GID4: variants seen among roughly 807,000 people sequenced by gnomAD.
GID4 encodes the protein glucose-induced degradation protein 4 homolog.
In GID4, 7 loss-of-function variants were observed where a neutral mutation model predicts 32.4. The ratio of observed to expected loss-of-function variants is 0.22; its 90% CI spans 0.12 to 0.41. The LOEUF (loss-of-function observed/expected upper bound fraction) is 0.41. GID4 is among the 10% of genes least tolerant of loss of function. The probability of loss-of-function intolerance (pLI) is 1.00; values close to 1 mark genes in which losing one functional copy is unlikely to be tolerated. For synonymous variants in GID4, 166 were observed against 170.0 expected, an observed-to-expected ratio of 0.98 and a Z score of 0.18; for missense variants, 309 against 400.0, an observed-to-expected ratio of 0.77 and a Z score of 1.94.
chr17:18,056,768 G>A, intron 3 of GID4: 2 of 1,550,646 alleles, frequency 1.3e-6, no homozygotes, highest in Non-Finnish European at 8.7e-7. Context: ...GGGTGAGAGA[G>A]GAACTAAGAA....
Position 18,067,200 on chromosome 17 carries a change from GCT to G in GID4, c.*1961_*1962del, listed in dbSNP as rs952029057. On this transcript the variant is annotated 3_prime_UTR_variant, in exon 6 of 6. Transcript: ENST00000268719. ...CGTACGTGCCATTCCACTCTCTTCA[GCT>G]CTCCCCTCAACAGCATGCGAGCCCA... 2 of 152,260 alleles carry G rather than the reference GCT, an allele frequency of 1.3e-5. No homozygotes were observed. Among genetic ancestry groups the G allele is most frequent in the African/African-American group, 4.8e-5 (2 of 41,418 alleles). 9.4% of individuals were successfully genotyped at this position (152,260 alleles called of 1,614,324 possible).
rs2045057686 is a variant in GID4, at chr17:18,065,872, T to G, written c.*629T>G. 6.6e-6 allele frequency: 1 copy of G among 152,546 alleles called. No individual in the cohort carries two copies. The highest frequency in any genetic ancestry group is 2.4e-5 in the African/African-American group (1 of 41,472). The allele number at this position is 152,546 out of a possible 1,614,324, so 9.4% of individuals were successfully genotyped here. ...TGTACTGTTAACAGTGCAAAGCTAGTGAGTAGCTGTCAGGTTCCCTGGGCC... is the reference window on the plus strand; with the variant it reads ...TGTACTGTTAACAGTGCAAAGCTAGGGAGTAGCTGTCAGGTTCCCTGGGCC... On this transcript the variant is annotated 3_prime_UTR_variant, in exon 6 of 6. Coordinates refer to ENST00000268719, the MANE Select transcript of GID4 (RefSeq NM_024052.5).
At position 18,065,229 on chromosome 17, in the gene GID4, T is replaced by C; in HGVS notation, c.889T>C (p.Tyr297His). Reference protein sequence around the residue: ...THVPEHSAPIYEFR With the variant: ...THVPEHSAPIHEFR ...TGTTCCTGAACACAGTGCACCCATCTATGAATTCCGGTGACAACGGTTCAG... is the reference window on the plus strand; with the variant it reads ...TGTTCCTGAACACAGTGCACCCATCCATGAATTCCGGTGACAACGGTTCAG... The change falls in exon 6 of 6, where the codon TAT (tyrosine) becomes CAT (histidine). Residue 297 changes from tyrosine (Y) to histidine (H), a missense_variant. Coordinates refer to ENST00000268719, the MANE Select transcript of GID4 (RefSeq NM_024052.5). 4 of 1,613,728 alleles carry C rather than the reference T, an allele frequency of 2.5e-6. No individual in the cohort carries two copies. Among genetic ancestry groups the C allele is most frequent in the Non-Finnish European group, 3.4e-6 (4 of 1,179,602 alleles).
intron 4 of GID4, among the ~76,000 whole-genome samples, chr17:18,059,568 G>A (rs940748688): frequency 6.6e-6 from 1 of 152,124 alleles, no homozygotes; most frequent in African/African-American, 2.4e-5. Flanking sequence ...GCTTTTAGCT[G>A]CGAGGTCATT....
chr17:18,050,262 G>A (rs912761922), intron 2 of GID4, among the ~76,000 whole-genome samples: 2 of 152,188 alleles, frequency 1.3e-5, no homozygotes, highest in Non-Finnish European at 2.9e-5. Flanking sequence ...TTGCTGGGTC[G>A]AATGATAGTT....
chr17:18,062,029 C>G, intron 5 of GID4, 54 bp downstream of exon 5: 4 of 1,585,516 alleles, frequency 2.5e-6, no homozygotes, highest in Non-Finnish European at 3.4e-6. Context: ...CCAGCTGGCT[C>G]TCCCTTGGCT....
chr17:18,058,919 T>C lies in GID4; in HGVS notation c.658T>C (p.Phe220Leu). 6.2e-7 allele frequency: 1 copy of C among 1,613,584 alleles called. No individual in the cohort carries two copies. Among genetic ancestry groups the C allele is most frequent in the Non-Finnish European group, 8.5e-7 (1 of 1,179,570 alleles). The change falls in exon 4 of 6, where the codon TTT (phenylalanine) becomes CTT (leucine). Residue 220 changes from phenylalanine (F) to leucine (L), a missense_variant. Coordinates refer to ENST00000268719, the MANE Select transcript of GID4 (RefSeq NM_024052.5). ...QYAKSFNSDD[F>L]DYEELKNGDY... ...TGCAAAATCATTTAACTCAGATGACTTTGATTATGAAGAGCTGAAGAATGG... is the reference window on the plus strand; with the variant it reads ...TGCAAAATCATTTAACTCAGATGACCTTGATTATGAAGAGCTGAAGAATGG...
At chr17:18,054,375 A>G in intron 3 of GID4, 141 bp downstream of exon 3, 1 of 536,644 alleles carries the variant, frequency 1.9e-6, no homozygotes, top group African/African-American at 1.9e-5. Flanking sequence ...CACAGACCTC[A>G]GTTGTTCCAT....
At chr17:18,054,346 A>C in intron 3 of GID4, 112 bp downstream of exon 3, 1 of 639,782 alleles carries the variant, frequency 1.6e-6, no homozygotes, top group Non-Finnish European at 2.7e-6. Flanking sequence ...TTTGCAACCA[A>C]GTAAAAGGTT....
chr17:18,059,819 A>G (rs1181221220), intron 4 of GID4, among the ~76,000 whole-genome samples: 1 of 151,892 alleles, frequency 6.6e-6, no homozygotes, highest in Non-Finnish European at 1.5e-5. Context: ...GGCGTGGTGG[A>G]TCACACCTGT....
chr17:18,054,144 A>T lies in GID4; in HGVS notation c.516A>T (p.Thr172=). 2 of 1,606,726 alleles carry T rather than the reference A, an allele frequency of 1.2e-6. No individual in the cohort carries two copies. Among genetic ancestry groups the T allele is most frequent in the Non-Finnish European group, 1.7e-6 (2 of 1,173,366 alleles). The change falls in exon 3 of 6, where the codon ACA becomes ACT. Residue 172 remains threonine (T), a synonymous_variant. Coordinates refer to ENST00000268719, the MANE Select transcript of GID4 (RefSeq NM_024052.5). The part of the protein sequence containing the change: ...KGLTEEYPTL[T]TFFEGEIISK... ...TACCATAGGAGTATCCAACCCTTAC[A>T]ACCTTCTTCGAAGGAGAAATAATCA...
intron 3 of GID4, among the ~76,000 whole-genome samples, chr17:18,056,379 G>A (rs1597696765): frequency 6.6e-6 from 1 of 152,352 alleles, no homozygotes; most frequent in East Asian, 1.9e-4. Flanking sequence ...CCCAAGTGGT[G>A]TATGAAGGTG....
chr17:18,039,958 T>C lies in GID4; in HGVS notation c.438+56T>C. On this transcript the variant is annotated intron_variant, in intron 1 of 5. Transcript: ENST00000268719. This position sits in a 1 kb window ranked among gnomAD's most constrained non-coding sequence, Gnocchi z 5.3. ...GCCTCCTCGCGGCGCTCACGGGCCG[T>C]GCCCGCTTCGGCTCCTCGACCCCGC... is the stretch of plus-strand genomic sequence containing the variant. The C allele has an allele frequency of 5.4e-6, 7 of 1,297,134 alleles. No homozygotes were observed. The highest frequency in any genetic ancestry group is 6.9e-6 in the Non-Finnish European group (7 of 1,018,274). 80.4% of individuals were successfully genotyped at this position (1,297,134 alleles called of 1,614,324 possible).
rs543206076 is a variant in GID4 at position 18,064,337 on chromosome 17, C to T, written c.840-843C>T. ...TCCTCCCTGGCACTTGTTATCATGTCTCTATAATTATAGCTACCCTAGTGG... is the reference window on the plus strand; with the variant it reads ...TCCTCCCTGGCACTTGTTATCATGTTTCTATAATTATAGCTACCCTAGTGG... On this transcript the variant is annotated intron_variant, in intron 5 of 5. Coordinates refer to ENST00000268719, the MANE Select transcript of GID4 (RefSeq NM_024052.5). Among the ~76,000 whole-genome samples the T allele has an allele frequency of 2.8e-4, 42 of 152,338 alleles. No homozygotes were observed. The South Asian group carries it at 8.1e-3, about 29-fold the overall frequency.
At chr17:18,053,053 T>C (rs1170526929) in intron 2 of GID4, among the ~76,000 whole-genome samples, 1 of 143,856 alleles carries the variant, frequency 7.0e-6, no homozygotes, top group Non-Finnish European at 1.5e-5. Flanking sequence ...TTCACTCTTA[T>C]TGCCCAGGCT....
At chr17:18,055,899 C>T (rs537906217) in intron 3 of GID4, among the ~76,000 whole-genome samples, 11 of 152,258 alleles carry the variant, frequency 7.2e-5, no homozygotes, top group African/African-American at 2.4e-4. Flanking sequence ...AGTGCAGTGG[C>T]GTAATCTCGG....
chr17:18,058,241 A>G (rs1050332142), intron 3 of GID4, among the ~76,000 whole-genome samples: 1 of 152,240 alleles, frequency 6.6e-6, no homozygotes, highest in Non-Finnish European at 1.5e-5. Flanking sequence ...TAGAGATGCT[A>G]TAAAGTATAG....
chr17:18,041,433 A>C (rs1435250298), intron 1 of GID4, among the ~76,000 whole-genome samples: 1 of 152,222 alleles, frequency 6.6e-6, no homozygotes, highest in African/African-American at 2.4e-5. Context: ...TTGAAACAGC[A>C]TCGTCATGTT....
intron 2 of GID4, among the ~76,000 whole-genome samples, chr17:18,046,137 G>A (rs145131990): frequency 9.5e-4 from 144 of 152,306 alleles, no homozygotes; most frequent in South Asian, 2.5e-3. Flanking sequence ...GCTGCAGGGG[G>A]CCTCTGGCCT....
Sources: gnomAD v4.1 joint callset for allele counts (sites outside exome capture counted in the v4.1 genomes callset) on GRCh38, gnomAD v4.1.1 for gene constraint, Gnocchi (gnomAD v3.1) non-coding constraint, MANE v1.5 for transcripts, NCBI Gene and HGNC (gene_info 2026-07-23, HGNC 2026-07-21) for gene names.